The following ARFGAP3 variants were observed in gnomAD, a reference collection of about 807,000 sequenced individuals.
ARFGAP3 encodes ARF GTPase activating protein 3, also known as ADP-ribosylation factor GTPase-activating protein 3.
A neutral mutation model predicts 75.0 loss-of-function variants in ARFGAP3; 72 were observed. The ratio of observed to expected loss-of-function variants is 0.96; its 90% CI spans 0.79 to 1.17. The LOEUF is 1.17. Ranked by LOEUF, ARFGAP3 falls within the 50% of genes most tolerant of loss-of-function variation. The pLI, the probability that ARFGAP3 is intolerant of heterozygous loss-of-function variation, is 0.00. For synonymous variants in ARFGAP3, 221 were observed against 217.9 expected (o/e 1.01, Z -0.13); for missense variants, 620 against 626.6 (o/e 0.99, Z 0.11).
chr22:42,852,928 C>G (rs1281922546), intron 1 of ARFGAP3, among the ~76,000 whole-genome samples: 1 of 151,858 alleles, frequency 6.6e-6, no homozygotes, highest in Non-Finnish European at 1.5e-5. Context: ...TCATGCCCAG[C>G]TAATTTTTGT....
intron 9 of ARFGAP3, among the ~76,000 whole-genome samples, 177 bp downstream of exon 9, chr22:42,822,093 C>T (rs1925835899): frequency 6.6e-6 from 1 of 152,126 alleles, no homozygotes; most frequent in Non-Finnish European, 1.5e-5. Flanking sequence ...TTGCTGCCCC[C>T]ATCGTCTCTT....
At chr22:42,832,353 C>A (rs1156455874) in intron 5 of ARFGAP3, among the ~76,000 whole-genome samples, 2 of 151,214 alleles carry the variant, frequency 1.3e-5, no homozygotes, top group Non-Finnish European at 2.9e-5. Context: ...TATGGTGAAA[C>A]CCTGTCTCTA....
At chr22:42,805,501 C>T (rs965578416) in intron 14 of ARFGAP3, among the ~76,000 whole-genome samples, 9 of 152,134 alleles carry the variant, frequency 5.9e-5, no homozygotes, top group African/African-American at 1.2e-4. Context: ...CAAAGGTGGC[C>T]GGAGTGCCTC....
At chr22:42,837,520 C>T (rs570931457) in intron 3 of ARFGAP3, among the ~76,000 whole-genome samples, 2 of 148,602 alleles carry the variant, frequency 1.3e-5, no homozygotes, top group South Asian at 2.1e-4. Flanking sequence ...ACTTGGGAGG[C>T]TGAGTGAGAG....
intron 9 of ARFGAP3, among the ~76,000 whole-genome samples, chr22:42,821,298 C>T (rs1925803163): frequency 6.6e-6 from 1 of 152,230 alleles, no homozygotes; most frequent in Non-Finnish European, 1.5e-5. Flanking sequence ...TCAGCACATT[C>T]ACAAAGCTGT....
intron 14 of ARFGAP3, 100 bp downstream of exon 14, chr22:42,806,973 G>A: frequency 8.3e-7 from 1 of 1,206,864 alleles, no homozygotes. Flanking sequence ...ATCGAATAAT[G>A]GTTGCTAAAA....
At chr22:42,811,020 A>G in intron 11 of ARFGAP3, 76 bp from the exon 12 acceptor site, 1 of 1,558,664 alleles carries the variant, frequency 6.4e-7, no homozygotes, top group Non-Finnish European at 8.7e-7. Context: ...ACTTCCACAG[A>G]TGTGGGGGAT....
rs1925910610 is a variant in ARFGAP3 at position 42,823,689 on chromosome 22, G to A, written c.639C>T (p.Ile213=). The change falls in exon 8 of 16, where the codon ATC becomes ATT. Residue 213 remains isoleucine (I), a synonymous_variant. Coordinates refer to ENST00000263245, the MANE Select transcript of ARFGAP3 (RefSeq NM_014570.5). Reference sequence around the variant, plus strand: ...TAGCTTGATTTGGTTTCTTTTTTATGATAGAGGATACCTCTGCCAAAAAAT... The same window carrying A: ...TAGCTTGATTTGGTTTCTTTTTTATAATAGAGGATACCTCTGCCAAAAAAT... ...PTKATLEVSS[I]IKKKPNQAKK... The A allele has an allele frequency of 6.4e-7, 1 of 1,571,756 alleles. No individual in the cohort carries two copies.
At chr22:42,817,374 G>C in intron 10 of ARFGAP3, 110 bp from the exon 11 acceptor site, 1 of 1,406,828 alleles carries the variant, frequency 7.1e-7, no homozygotes, top group Non-Finnish European at 9.3e-7. Flanking sequence ...TATTCGAGGG[G>C]TTAAAAACAT....
At chr22:42,808,660 C>G (rs1602095030) in intron 13 of ARFGAP3, 107 bp downstream of exon 13, 2 of 908,024 alleles carry the variant, frequency 2.2e-6, no homozygotes, top group Non-Finnish European at 3.3e-6. Context: ...CAGAGGGCAT[C>G]TGGCAGCCTG....
rs908025658 is a variant in ARFGAP3, at chr22:42,837,767, A to G, written c.262-2274T>C. On this transcript the variant is annotated intron_variant, in intron 3 of 15. Transcript: ENST00000263245. ...GTGAACACTGCTCACTGTAGCGCCA[A>G]CCCCCTGGATTCAAGTGATTCTTCT... 2.9e-5 allele frequency among the ~76,000 whole-genome samples: 4 copies of G among 136,628 alleles called. No individual in the cohort carries two copies. In the Admixed American group the frequency reaches 3.4e-4, roughly 12 times the overall value. The allele number at this position is 136,628 out of a possible 152,430, so 89.6% of individuals were successfully genotyped here.
intron 11 of ARFGAP3, 149 bp from the exon 12 acceptor site, chr22:42,811,093 G>T: frequency 7.7e-7 from 1 of 1,296,866 alleles, no homozygotes; most frequent in Non-Finnish European, 1.0e-6. Flanking sequence ...GAGCAGACAC[G>T]AGGTGTGTCA....
At chr22:42,845,792 C>T (rs1926989208) in intron 2 of ARFGAP3, among the ~76,000 whole-genome samples, 1 of 151,986 alleles carries the variant, frequency 6.6e-6, no homozygotes, top group Non-Finnish European at 1.5e-5. Flanking sequence ...GTAATCCCAA[C>T]ACTTTGGGAG....
At chr22:42,801,281 G>A (rs1924847946) in intron 14 of ARFGAP3, among the ~76,000 whole-genome samples, 1 of 152,178 alleles carries the variant, frequency 6.6e-6, no homozygotes, top group Non-Finnish European at 1.5e-5. Flanking sequence ...GGGCAGCCAG[G>A]AAGAAGACAG....
chr22:42,827,388 C>T (rs892392297), intron 6 of ARFGAP3, among the ~76,000 whole-genome samples: 1 of 151,916 alleles, frequency 6.6e-6, no homozygotes, highest in African/African-American at 2.4e-5. Flanking sequence ...CTTTTGGAGA[C>T]AGAATTTCAC....
intron 1 of ARFGAP3, among the ~76,000 whole-genome samples, chr22:42,855,219 T>C (rs1343958426): frequency 6.6e-6 from 1 of 152,214 alleles, no homozygotes; most frequent in Non-Finnish European, 1.5e-5. Context: ...CCTCTTGATA[T>C]AAAGACATTG....
chr22:42,802,802 C>T (rs1924936605), intron 14 of ARFGAP3, among the ~76,000 whole-genome samples: 1 of 150,170 alleles, frequency 6.7e-6, no homozygotes, highest in Admixed American at 6.7e-5. Context: ...GTGGTTTCAC[C>T]ATGTTAGCCA....
intron 2 of ARFGAP3, among the ~76,000 whole-genome samples, chr22:42,841,823 C>A (rs562311861): frequency 1.6e-4 from 24 of 151,330 alleles, no homozygotes; most frequent in African/African-American, 4.4e-4. Context: ...GCTTTAGGTC[C>A]ACCAAAACTT....
intron 4 of ARFGAP3, chr22:42,834,548 C>T (rs535922578): frequency 1.6e-4 from 41 of 257,230 alleles, no homozygotes; most frequent in South Asian, 8.8e-4. Context: ...ACCTCAAACA[C>T]ATAAACCATT....
Sources: allele counts gnomAD v4.1 joint callset (sites outside exome capture counted in the v4.1 genomes callset), GRCh38; gene constraint gnomAD v4.1.1; transcripts MANE v1.5; gene names NCBI Gene and HGNC (gene_info 2026-07-23, HGNC 2026-07-21).